Variants in NKAIN2 observed in about 807,000 individuals in gnomAD.
The protein encoded by NKAIN2 is sodium/potassium transporting ATPase interacting 2, also known as sodium/potassium-transporting ATPase subunit beta-1-interacting protein 2.
In NKAIN2, 14 loss-of-function variants were observed where a neutral mutation model predicts 32.6. The observed-to-expected ratio is 0.43, with a 90% CI of 0.28 to 0.67. The LOEUF (loss-of-function observed/expected upper bound fraction) is 0.67, where lower values mean the gene tolerates loss of function less well. Among genes scored for constraint, NKAIN2 ranks in the 30% least tolerant of loss-of-function variants. NKAIN2 has a pLI of 0.17. For synonymous variants in NKAIN2, 80 were observed against 87.2 expected (o/e 0.92, Z 0.46); for missense variants, 198 against 258.3 (o/e 0.77, Z 1.60).
At position 123,854,575 on chromosome 6, in the gene NKAIN2, G is replaced by T. The variant is rs142478167; in HGVS notation, c.54+50321G>T. ...TAAGTACTTTTATATGCCAGGTGCTGTGCCAAATGTTTCACATACGTTATT... is the reference window on the plus strand; with the variant it reads ...TAAGTACTTTTATATGCCAGGTGCTTTGCCAAATGTTTCACATACGTTATT... On this transcript the variant is annotated intron_variant, in intron 1 of 6. Coordinates refer to ENST00000368417, the MANE Select transcript of NKAIN2 (RefSeq NM_001040214.3). Among the ~76,000 whole-genome samples the T allele has an allele frequency of 5.3e-3, 808 of 152,258 alleles. 6 individuals are homozygous for T. Among genetic ancestry groups the T allele is most frequent in the African/African-American group, 0.018 (762 of 41,540 alleles).
At chr6:123,966,136 C>A (rs953551520) in intron 1 of NKAIN2, among the ~76,000 whole-genome samples, 4 of 152,140 alleles carry the variant, frequency 2.6e-5, no homozygotes, top group Non-Finnish European at 4.4e-5. Flanking sequence ...ACTGCCAGGA[C>A]GATGGTAGCA....
intron 4 of NKAIN2, among the ~76,000 whole-genome samples, chr6:124,781,085 T>G (rs1779243483): frequency 6.6e-6 from 1 of 151,834 alleles, no homozygotes; most frequent in Admixed American, 6.6e-5. Context: ...GAACTTAATT[T>G]TAACTTTTTT....
intron 4 of NKAIN2, among the ~76,000 whole-genome samples, chr6:124,677,780 C>A (rs565593581): frequency 6.6e-6 from 1 of 151,788 alleles, no homozygotes; most frequent in African/African-American, 2.4e-5. Context: ...TGTATTTATC[C>A]CTTATGTATT....
intron 3 of NKAIN2, among the ~76,000 whole-genome samples, chr6:124,385,183 A>G (rs1562146013): frequency 2.0e-5 from 3 of 152,294 alleles, no homozygotes; most frequent in South Asian, 2.1e-4. Flanking sequence ...ATTTTCTTTT[A>G]GCCAGCTATG....
In NKAIN2 at chr6:124,707,160, G is replaced by C. The variant is rs1234724144; in HGVS notation, c.474+48774G>C. On this transcript the variant is annotated intron_variant, in intron 4 of 6. Coordinates refer to ENST00000368417, the MANE Select transcript of NKAIN2 (RefSeq NM_001040214.3). Reference sequence around the variant, plus strand: ...CTAATTTCATCCATGTCCCTACAAAGGACATGAACTCATCATATTTTATGG... The same window carrying C: ...CTAATTTCATCCATGTCCCTACAAACGACATGAACTCATCATATTTTATGG... 6.6e-5 allele frequency among the ~76,000 whole-genome samples: 10 copies of C among 152,154 alleles called. No homozygotes were observed. In the East Asian group the frequency reaches 1.4e-3, roughly 21 times the overall value.
At chr6:124,499,874 G>GA (rs1221137824) in intron 3 of NKAIN2, among the ~76,000 whole-genome samples, 1 of 152,102 alleles carries the variant, frequency 6.6e-6, no homozygotes, top group Non-Finnish European at 1.5e-5. Flanking sequence ...AGTTGGACAG[G>GA]AAAAAAGTAT....
chr6:124,318,111 A>G (rs916589549), intron 2 of NKAIN2, among the ~76,000 whole-genome samples: 3 of 152,016 alleles, frequency 2.0e-5, no homozygotes, highest in African/African-American at 7.2e-5. Context: ...AGCCTCATGA[A>G]ATAGTTTTGG....
intron 5 of NKAIN2, among the ~76,000 whole-genome samples, chr6:124,804,680 C>A (rs1439293800): frequency 6.6e-6 from 1 of 152,224 alleles, no homozygotes. Context: ...TGAGCCGAAG[C>A]AGGGCGAGGC....
At chr6:123,873,759 A>G (rs1042300801) in intron 1 of NKAIN2, among the ~76,000 whole-genome samples, 4 of 152,180 alleles carry the variant, frequency 2.6e-5, no homozygotes, top group African/African-American at 9.6e-5. Context: ...GACTGGATGG[A>G]TGGTTGGACC....
chr6:124,692,277 G>A (rs964705291), intron 4 of NKAIN2, among the ~76,000 whole-genome samples: 2 of 152,036 alleles, frequency 1.3e-5, no homozygotes, highest in African/African-American at 4.8e-5. Context: ...TAACTTTGCT[G>A]TTTTTCTCAG....
chr6:124,712,618 G>T (rs1378719039), intron 4 of NKAIN2, among the ~76,000 whole-genome samples: 1 of 149,790 alleles, frequency 6.7e-6, no homozygotes, highest in Admixed American at 6.6e-5. Context: ...GAGTCGGAAA[G>T]GGAACTCCCT....
intron 3 of NKAIN2, among the ~76,000 whole-genome samples, chr6:124,568,652 G>A (rs989991283): frequency 1.3e-5 from 2 of 151,728 alleles, no homozygotes; most frequent in Non-Finnish European, 2.9e-5. Context: ...ACTTCTAGCT[G>A]GCCACCATGA....
intron 1 of NKAIN2, among the ~76,000 whole-genome samples, chr6:124,183,776 A>AT (rs1399538007): frequency 1.3e-5 from 2 of 152,082 alleles, no homozygotes; most frequent in Non-Finnish European, 2.9e-5. Flanking sequence ...AATGTGGTAG[A>AT]TTTTTTATGT....
At chr6:124,162,463 T>G (rs1009738778) in intron 1 of NKAIN2, among the ~76,000 whole-genome samples, 1 of 152,124 alleles carries the variant, frequency 6.6e-6, no homozygotes, top group Non-Finnish European at 1.5e-5. Flanking sequence ...GGCACAGATA[T>G]GGTACAGCAT....
intron 4 of NKAIN2, among the ~76,000 whole-genome samples, chr6:124,774,176 G>A (rs1379203818): frequency 6.6e-6 from 1 of 152,160 alleles, no homozygotes; most frequent in Non-Finnish European, 1.5e-5. Flanking sequence ...TTGCAAGTGG[G>A]GAGACGAGTT....
In NKAIN2 at chr6:124,775,086, G is replaced by A. The variant is rs1407569370; in HGVS notation, c.475-16253G>A. Among the ~76,000 whole-genome samples the A allele has an allele frequency of 3.3e-5, 5 of 152,156 alleles. No individual in the cohort carries two copies. In the East Asian group the frequency reaches 9.6e-4, roughly 29 times the overall value. On this transcript the variant is annotated intron_variant, in intron 4 of 6. Transcript: ENST00000368417. ...GAACATAGGGTATGGAAGAGGCACA[G>A]TCAATATTTGATAATCAAATAATTC...
chr6:124,734,617 C>G (rs1275015465), intron 4 of NKAIN2, among the ~76,000 whole-genome samples: 4 of 151,722 alleles, frequency 2.6e-5, no homozygotes, highest in Admixed American at 6.6e-5. Flanking sequence ...TCCTAAGAAA[C>G]CTTAACTGAC....
chr6:124,505,740 T>C (rs1778450559), intron 3 of NKAIN2, among the ~76,000 whole-genome samples: 1 of 152,176 alleles, frequency 6.6e-6, no homozygotes, highest in Non-Finnish European at 1.5e-5. Flanking sequence ...TTTTATTCTA[T>C]TGTCACTCTC....
At chr6:124,228,361 C>A (rs1405466996) in intron 1 of NKAIN2, among the ~76,000 whole-genome samples, 2 of 152,080 alleles carry the variant, frequency 1.3e-5, no homozygotes, top group Non-Finnish European at 2.9e-5. Flanking sequence ...AGGAAAAGGC[C>A]CTCACCAGAA....
Sources: gnomAD v4.1 joint callset for allele counts (sites outside exome capture counted in the v4.1 genomes callset) on GRCh38, gnomAD v4.1.1 for gene constraint, MANE v1.5 for transcripts, NCBI Gene and HGNC (gene_info 2026-07-23, HGNC 2026-07-21) for gene names.